WIF1: variants seen among roughly 807,000 people sequenced by gnomAD.
WIF1 encodes the protein Wnt inhibitory factor 1.
Under a neutral mutation model 53.5 loss-of-function variants are expected in WIF1, and 35 were observed. The ratio of observed to expected loss-of-function variants is 0.65; its 90% CI spans 0.50 to 0.87. The LOEUF is 0.87. Among genes scored for constraint, WIF1 ranks in the 40% least tolerant of loss-of-function variants. WIF1 has a pLI of 0.00. For synonymous variants in WIF1, 171 were observed against 170.4 expected, an observed-to-expected ratio of 1.00 and a Z score of -0.03; for missense variants, 467 against 476.8, an observed-to-expected ratio of 0.98 and a Z score of 0.19.
intron 2 of WIF1, among the ~76,000 whole-genome samples, chr12:65,106,189 G>T (rs930999507): frequency 1.3e-5 from 2 of 152,094 alleles, no homozygotes; most frequent in Non-Finnish European, 2.9e-5. Context: ...TGCATGAGCA[G>T]TAGAGGGGAC....
intron 2 of WIF1, among the ~76,000 whole-genome samples, chr12:65,104,939 A>G (rs905901348): frequency 2.0e-5 from 3 of 152,218 alleles, no homozygotes; most frequent in Non-Finnish European, 4.4e-5. Flanking sequence ...AGCTGAATAT[A>G]TGAAGTAGCT....
intron 2 of WIF1, chr12:65,083,780 C>CCCTTT (rs71096021): frequency 0.15 from 35,246 of 238,606 alleles, 3,816 homozygotes; most frequent in Non-Finnish European, 0.17. Context: ...TTTTCCCTTT[C>CCCTTT]CCTTTCCTTT....
Position 65,068,649 on chromosome 12 carries a change from ATG to A in WIF1, c.538+113_538+114del, listed in dbSNP as rs10590995. 0.082 allele frequency: 81,922 copies of A among 999,072 alleles called. 1,300 individuals are homozygous for A. Among genetic ancestry groups the A allele is most frequent in the Non-Finnish European group, 0.091 (65,257 of 714,192 alleles). The allele number at this position is 999,072 out of a possible 1,614,324, so 61.9% of individuals were successfully genotyped here. On this transcript the variant is annotated intron_variant, in intron 4 of 9. Coordinates refer to ENST00000286574, the MANE Select transcript of WIF1 (RefSeq NM_007191.5). Reference sequence around the variant, plus strand: ...TTATAGAGCCATCATCCAAAAAACCATGTGTGTGTGTGTGTGTGTGTGTGTGT... The same window carrying A: ...TTATAGAGCCATCATCCAAAAAACCATGTGTGTGTGTGTGTGTGTGTGTGT...
At chr12:65,068,349 T>C (rs1208106136) in intron 4 of WIF1, among the ~76,000 whole-genome samples, 1 of 152,018 alleles carries the variant, frequency 6.6e-6, no homozygotes, top group Admixed American at 6.6e-5. Context: ...TTAGAGGTTA[T>C]ATTAGTGTTG....
At chr12:65,085,445 A>G (rs1177699176) in intron 2 of WIF1, among the ~76,000 whole-genome samples, 1 of 152,202 alleles carries the variant, frequency 6.6e-6, no homozygotes, top group South Asian at 2.1e-4. Context: ...GTTGGCCATT[A>G]AAAGTTTCAG....
At chr12:65,066,360 G>A (rs1882686565) in intron 6 of WIF1, among the ~76,000 whole-genome samples, 1 of 152,228 alleles carries the variant, frequency 6.6e-6, no homozygotes. Context: ...GCTCTAGGCA[G>A]GACCACAGAT....
intron 2 of WIF1, among the ~76,000 whole-genome samples, chr12:65,088,957 A>T (rs1455039724): frequency 2.0e-5 from 3 of 152,188 alleles, no homozygotes; most frequent in Non-Finnish European, 4.4e-5. Context: ...ATTGTCTTAA[A>T]TGTTGATGTT....
rs1592392349 is a variant in WIF1 at position 65,074,800 on chromosome 12, A to G, written c.397+2946T>C. 2.4e-5 allele frequency among the ~76,000 whole-genome samples: 3 copies of G among 123,446 alleles called. No homozygotes were observed. In the Middle Eastern group the frequency reaches 0.017, roughly 701 times the overall value. 81.0% of individuals were successfully genotyped at this position (123,446 alleles called of 152,430 possible). A position where few individuals can be genotyped will look rare whatever the true frequency, so the allele number is the denominator to read the frequency against. ...ACCACTGCACTCAAGCCTGGGTAAC[A>G]GAGGGACACTCTGTCTCAAAAAAAA... On this transcript the variant is annotated intron_variant, in intron 3 of 9. Coordinates refer to ENST00000286574, the MANE Select transcript of WIF1 (RefSeq NM_007191.5).
At chr12:65,105,792 AAC>A (rs907867560) in intron 2 of WIF1, among the ~76,000 whole-genome samples, 6 of 152,134 alleles carry the variant, frequency 3.9e-5, no homozygotes, top group Non-Finnish European at 2.9e-5. Flanking sequence ...CCCACCTCCC[AAC>A]ACCGCCACAC....
At chr12:65,084,675 G>C (rs1592395787) in intron 2 of WIF1, among the ~76,000 whole-genome samples, 1 of 152,298 alleles carries the variant, frequency 6.6e-6, no homozygotes, top group East Asian at 1.9e-4. Context: ...TGCACAGCAA[G>C]GCATTTGAAA....
chr12:65,085,957 A>G (rs1592396163), intron 2 of WIF1, among the ~76,000 whole-genome samples: 1 of 152,196 alleles, frequency 6.6e-6, no homozygotes, highest in East Asian at 1.9e-4. Context: ...TATCTGACAA[A>G]TCATTGGCTA....
intron 2 of WIF1, among the ~76,000 whole-genome samples, chr12:65,082,865 C>G (rs758940920): frequency 1.3e-5 from 2 of 152,120 alleles, no homozygotes; most frequent in African/African-American, 4.8e-5. Flanking sequence ...ATTGTAGGAG[C>G]CTCTGAGTTA....
In WIF1 at chr12:65,121,109, G is replaced by A; in HGVS notation, c.83C>T (p.Ala28Val). Reference protein sequence around the residue: ...LLCLLALRAEAGPPQEESLYL... With the variant: ...LLCLLALRAEVGPPQEESLYL... Reference sequence around the variant, plus strand: ...CAGGCTCTCCTCCTGCGGCGGCCCGGCCTCCGCCCGCAGTGCCAGCAGGCA... The same window carrying A: ...CAGGCTCTCCTCCTGCGGCGGCCCGACCTCCGCCCGCAGTGCCAGCAGGCA... Residue 28 changes from alanine to valine, a missense_variant, in exon 1 of 10, where the codon GCC becomes GTC. Coordinates refer to ENST00000286574, the MANE Select transcript of WIF1 (RefSeq NM_007191.5). 2 of 1,546,054 alleles carry A rather than the reference G, an allele frequency of 1.3e-6. No individual in the cohort carries two copies. Among genetic ancestry groups the A allele is most frequent in the Non-Finnish European group, 1.7e-6 (2 of 1,144,450 alleles).
At chr12:65,103,631 T>C (rs1464865775) in intron 2 of WIF1, among the ~76,000 whole-genome samples, 1 of 152,224 alleles carries the variant, frequency 6.6e-6, no homozygotes, top group Non-Finnish European at 1.5e-5. Context: ...TTGATATATA[T>C]AGGACTCTAC....
chr12:65,095,587 G>A (rs903197532), intron 2 of WIF1, among the ~76,000 whole-genome samples: 3 of 151,962 alleles, frequency 2.0e-5, no homozygotes, highest in East Asian at 1.9e-4. Flanking sequence ...ACAAAAAAAA[G>A]GATGATCAAA....
At chr12:65,071,138 G>C (rs1882766007) in intron 3 of WIF1, among the ~76,000 whole-genome samples, 1 of 150,242 alleles carries the variant, frequency 6.7e-6, no homozygotes, top group South Asian at 2.1e-4. Flanking sequence ...GGAGGCTGAG[G>C]CATGAGAATC....
At chr12:65,100,383 G>A (rs1883265010) in intron 2 of WIF1, among the ~76,000 whole-genome samples, 1 of 152,110 alleles carries the variant, frequency 6.6e-6, no homozygotes, top group African/African-American at 2.4e-5. Flanking sequence ...AGAAAAACTT[G>A]TCCTAACTGA....
intron 2 of WIF1, among the ~76,000 whole-genome samples, chr12:65,086,526 G>C (rs956313832): frequency 1.3e-5 from 2 of 152,122 alleles, no homozygotes; most frequent in Non-Finnish European, 2.9e-5. Context: ...AAAAGGAACA[G>C]CATGGAGAAA....
At chr12:65,066,530 A>G (rs971239650) in intron 6 of WIF1, 111 bp downstream of exon 6, 2 of 825,434 alleles carry the variant, frequency 2.4e-6, no homozygotes, top group Non-Finnish European at 3.5e-6. Flanking sequence ...TCTTTACCCT[A>G]AGCCATACAT....
Sources: gnomAD v4.1 joint callset for allele counts (sites outside exome capture counted in the v4.1 genomes callset) on GRCh38, gnomAD v4.1.1 for gene constraint, MANE v1.5 for transcripts, NCBI Gene and HGNC (gene_info 2026-07-23, HGNC 2026-07-21) for gene names.